Variants in COL8A2 observed in about 807,000 individuals in gnomAD.
COL8A2 encodes collagen alpha-2(VIII) chain.
In COL8A2, 16 loss-of-function variants were observed where a neutral mutation model predicts 24.0. That is an observed-to-expected ratio of 0.67 (90% CI 0.45 to 1.01). COL8A2 has a LOEUF of 1.01. Ranked by LOEUF, COL8A2 falls within the 50% of genes least tolerant of loss-of-function variation. The pLI, the probability that COL8A2 is intolerant of heterozygous loss-of-function variation, is 0.00. For missense variants in COL8A2, 818 were observed against 942.4 expected, an observed-to-expected ratio of 0.87 and a Z score of 1.73; for synonymous variants, 466 against 424.5, an observed-to-expected ratio of 1.10 and a Z score of -1.20.
intron 2 of COL8A2, among the ~76,000 whole-genome samples, chr1:36,112,344 T>C (rs274137): frequency 0.9 from 136,591 of 152,154 alleles, 61,448 homozygotes; most frequent in East Asian, 1. Flanking sequence ...GACCCTCCTT[T>C]CTTACAGGAA....
Position 36,098,467 on chromosome 1 carries a change from G to A in COL8A2, c.1214C>T (p.Pro405Leu), listed in dbSNP as rs1643613924. Residue 405 changes from proline (P) to leucine (L), a missense_variant, in exon 4 of 4, where the codon CCA becomes CTA. By Grantham distance (98) the Pro-to-Leu change is moderately conservative. Coordinates refer to ENST00000397799, the MANE Select transcript of COL8A2 (RefSeq NM_005202.4). ...DQGPSGLAGK[P>L]GVPGERGLPG... is the part of the protein sequence containing the mutation. ...AAGTCCCCTCTCACCTGGGACCCCTGGTTTCCCAGCCAGGCCACTAGGCCC... is the reference window on the plus strand; with the variant it reads ...AAGTCCCCTCTCACCTGGGACCCCTAGTTTCCCAGCCAGGCCACTAGGCCC... The A allele has an allele frequency of 6.3e-7, 1 of 1,575,552 alleles. No individual in the cohort carries two copies. The highest frequency in any genetic ancestry group is 1.8e-5 in the Admixed American group (1 of 55,212).
intron 1 of COL8A2, among the ~76,000 whole-genome samples, chr1:36,119,476 C>T (rs12074848): frequency 0.54 from 82,272 of 151,942 alleles, 24,603 homozygotes; most frequent in Non-Finnish European, 0.69. Flanking sequence ...GTCAGTCCCC[C>T]GCACCCCCTC....
At chr1:36,107,241 C>T (rs996281428) in intron 2 of COL8A2, among the ~76,000 whole-genome samples, 1 of 152,048 alleles carries the variant, frequency 6.6e-6, no homozygotes, top group Admixed American at 6.6e-5. Flanking sequence ...CTCATCTCCA[C>T]TAAAAATTTA....
intron 1 of COL8A2, among the ~76,000 whole-genome samples, chr1:36,124,621 G>C (rs1643937533): frequency 6.6e-6 from 1 of 152,096 alleles, no homozygotes; most frequent in Non-Finnish European, 1.5e-5. Context: ...CAATGGCAGA[G>C]AGATGGGGGC....
Position 36,100,181 on chromosome 1 carries a change from C to A in COL8A2, c.62G>T (p.Gly21Val). The change falls in exon 3 of 4, where the codon GGG (glycine) becomes GTG (valine). Residue 21 changes from glycine (G) to valine (V), a missense_variant. Around this residue, in one of 3 missense-constraint regions of COL8A2, gnomAD observed 573 missense variants for 616.8 expected, o/e 0.93. Coordinates refer to ENST00000397799, the MANE Select transcript of COL8A2 (RefSeq NM_005202.4). ...ACCAGAGGACGCCCGCGGCCCACAC[C>A]CCAGCACCAGCACCAGTAGCAGCAG... Reference protein sequence around the residue: ...LLLLLLVLVLGCGPRASSGGG... With the variant: ...LLLLLLVLVLVCGPRASSGGG... 1 of 1,608,348 alleles carries A rather than the reference C, an allele frequency of 6.2e-7. No homozygotes were observed. Among genetic ancestry groups the A allele is most frequent in the Non-Finnish European group, 8.5e-7 (1 of 1,177,856 alleles).
intron 3 of COL8A2, among the ~76,000 whole-genome samples, chr1:36,099,785 G>A (rs1412393397): frequency 1.3e-5 from 2 of 152,178 alleles, no homozygotes; most frequent in Non-Finnish European, 2.9e-5. Context: ...CCACCAGGTG[G>A]CACCAGCAGC....
rs567048794 is a variant in COL8A2, at chr1:36,097,445, G to A, written c.*124C>T. 1.0e-5 allele frequency: 8 copies of A among 798,096 alleles called. No homozygotes were observed. The highest frequency in any genetic ancestry group is 9.8e-5 in the East Asian group (4 of 40,902). 49.4% of individuals were successfully genotyped at this position (798,096 alleles called of 1,614,324 possible). A position where few individuals can be genotyped will look rare whatever the true frequency, so the allele number is the denominator to read the frequency against. On this transcript the variant is annotated 3_prime_UTR_variant, in exon 4 of 4. Coordinates refer to ENST00000397799, the MANE Select transcript of COL8A2 (RefSeq NM_005202.4). ...AGGGAGAAAGCAAGTTAGTCTCCTCGGGCCAAGGCCACGGCCGCCTCTGTT... is the reference window on the plus strand; with the variant it reads ...AGGGAGAAAGCAAGTTAGTCTCCTCAGGCCAAGGCCACGGCCGCCTCTGTT...
chr1:36,116,572 A>G (rs1643880811), intron 1 of COL8A2, among the ~76,000 whole-genome samples: 2 of 152,192 alleles, frequency 1.3e-5, no homozygotes, highest in South Asian at 4.1e-4. Context: ...TCATCACACA[A>G]TTGGCAAAGA....
At position 36,125,081 on chromosome 1, in the gene COL8A2, G is replaced by A. The variant is rs982006978; in HGVS notation, c.-86C>T. On this transcript the variant is annotated 5_prime_UTR_variant, in exon 1 of 4. Coordinates refer to ENST00000397799, the MANE Select transcript of COL8A2 (RefSeq NM_005202.4). The surrounding 1 kb of genome is among the most constrained non-coding windows in gnomAD (Gnocchi z 4.5). ...CCTGCGGGCGCGGCCGCCGGGCGCC[G>A]CTCCCGGCCCTCGAGGGCGGCCCGG... 2.0e-6 allele frequency: 2 copies of A among 979,212 alleles called. No individual in the cohort carries two copies. Among genetic ancestry groups the A allele is most frequent in the African/African-American group, 1.8e-5 (1 of 56,770 alleles). The allele number at this position is 979,212 out of a possible 1,614,324, so 60.7% of individuals were successfully genotyped here.
chr1:36,114,146 A>G (rs1262712900), intron 2 of COL8A2, among the ~76,000 whole-genome samples: 2 of 110,670 alleles, frequency 1.8e-5, no homozygotes, highest in Admixed American at 1.1e-4. Flanking sequence ...GTGAAACCCC[A>G]TCTCTACTAA....
At chr1:36,110,248 T>G (rs527268273) in intron 2 of COL8A2, among the ~76,000 whole-genome samples, 3 of 146,528 alleles carry the variant, frequency 2.0e-5, no homozygotes, top group African/African-American at 5.0e-5. Context: ...TTTACTGTCT[T>G]AATGAGCTTG....
At chr1:36,100,365 T>G in intron 2 of COL8A2, 107 bp from the exon 3 acceptor site, 1 of 1,029,672 alleles carries the variant, frequency 9.7e-7, no homozygotes, top group Non-Finnish European at 1.4e-6. Flanking sequence ...GAGATTTCAG[T>G]CAAAAGGCTG....
chr1:36,106,763 A>T (rs1299077008), intron 2 of COL8A2, among the ~76,000 whole-genome samples: 1 of 152,160 alleles, frequency 6.6e-6, no homozygotes, highest in Admixed American at 6.5e-5. Flanking sequence ...GCACCCCCGC[A>T]AGCTGCCCAC....
chr1:36,113,474 C>T (rs1316419752), intron 2 of COL8A2, among the ~76,000 whole-genome samples: 4 of 152,250 alleles, frequency 2.6e-5, no homozygotes, highest in African/African-American at 9.6e-5. Context: ...CTCCTGTTAA[C>T]GTCAGGTCTG....
chr1:36,113,555 T>C (rs765009468), intron 2 of COL8A2, among the ~76,000 whole-genome samples: 17 of 152,224 alleles, frequency 1.1e-4, no homozygotes, highest in Non-Finnish European at 2.1e-4. Flanking sequence ...GGGGGTCCAG[T>C]GCCCACGAGC....
At chr1:36,100,900 T>C (rs1242223972) in intron 2 of COL8A2, among the ~76,000 whole-genome samples, 1 of 127,172 alleles carries the variant, frequency 7.9e-6, no homozygotes, top group African/African-American at 3.8e-5. Flanking sequence ...TTTTTTTTTT[T>C]TTTTTTTTTT....
chr1:36,123,501 C>T lies in COL8A2; in HGVS notation c.-62+1556G>A, dbSNP rs1314197558. Among the ~76,000 whole-genome samples the T allele has an allele frequency of 1.3e-5, 2 of 152,128 alleles. No individual in the cohort carries two copies. The highest frequency in any genetic ancestry group is 4.8e-5 in the African/African-American group (2 of 41,410). On this transcript the variant is annotated intron_variant, in intron 1 of 3. Coordinates refer to ENST00000397799, the MANE Select transcript of COL8A2 (RefSeq NM_005202.4). This position sits in a 1 kb window ranked among gnomAD's most constrained non-coding sequence, Gnocchi z 4.1. ...AAATTCTCATTTTCACTGTGGTAGA[C>T]GAAGTGAAACCAGAGAAAGAGACCC...
rs1643928267 is a variant in COL8A2, at chr1:36,123,393, G to A, written c.-62+1664C>T. ...TACAGGGGCTCAGGCTGACAGCCCTGCTTAGTATCTTTCTCCTCCCTCTTG... is the reference window on the plus strand; with the variant it reads ...TACAGGGGCTCAGGCTGACAGCCCTACTTAGTATCTTTCTCCTCCCTCTTG... On this transcript the variant is annotated intron_variant, in intron 1 of 3. Coordinates refer to ENST00000397799, the MANE Select transcript of COL8A2 (RefSeq NM_005202.4). This position sits in a 1 kb window ranked among gnomAD's most constrained non-coding sequence, Gnocchi z 4.1. Among the ~76,000 whole-genome samples, 1 of 152,208 alleles carries A rather than the reference G, an allele frequency of 6.6e-6. No individual in the cohort carries two copies. The highest frequency in any genetic ancestry group is 2.1e-4 in the South Asian group (1 of 4,832).
At chr1:36,104,218 G>C (rs1382231197) in intron 2 of COL8A2, among the ~76,000 whole-genome samples, 2 of 151,072 alleles carry the variant, frequency 1.3e-5, no homozygotes, top group African/African-American at 4.9e-5. Context: ...TGGGCCAGGC[G>C]CAGTGGCTCG....
Sources: allele counts gnomAD v4.1 joint callset (sites outside exome capture counted in the v4.1 genomes callset), GRCh38; gene constraint gnomAD v4.1.1; regional missense constraint gnomAD v4.1.1; non-coding constraint Gnocchi (gnomAD v3.1); transcripts MANE v1.5; gene names NCBI Gene and HGNC (gene_info 2026-07-23, HGNC 2026-07-21).